MCF2L: variants seen among roughly 807,000 people sequenced by gnomAD.
MCF2L encodes the protein MCF.2 cell line derived transforming sequence like.
A neutral mutation model predicts 153.4 loss-of-function variants in MCF2L; 97 were observed. That is an observed-to-expected ratio of 0.63 (90% CI 0.54 to 0.75). The LOEUF is 0.75. Ranked by LOEUF, MCF2L falls within the 30% of genes least tolerant of loss-of-function variation. The pLI is 0.00. For missense variants in MCF2L, 1,347 were observed against 1,495.2 expected (o/e 0.90, Z 1.64); for synonymous variants, 659 against 632.2 (o/e 1.04, Z -0.64).
intron 2 of MCF2L, among the ~76,000 whole-genome samples, chr13:112,933,757 C>T (rs374420585): frequency 2.6e-5 from 4 of 152,238 alleles, no homozygotes; most frequent in African/African-American, 9.6e-5. Flanking sequence ...TGGCCCTTGG[C>T]CATCGGTCAG....
chr13:113,002,122 A>T, intron 1 of MCF2L: 3 of 1,015,800 alleles, frequency 3.0e-6, no homozygotes, highest in East Asian at 3.1e-5. Context: ...GGGCTGGGGG[A>T]TGCCGGGGAT....
At chr13:113,069,880 C>T (rs992050372) in intron 8 of MCF2L, among the ~76,000 whole-genome samples, 179 bp from the exon 9 acceptor site, 16 of 152,316 alleles carry the variant, frequency 1.1e-4, no homozygotes, top group South Asian at 1.0e-3. Flanking sequence ...CCCATGCTGA[C>T]GGCCCTGAGT....
chr13:113,081,627 G>A (rs368136983), intron 16 of MCF2L, among the ~76,000 whole-genome samples: 9 of 152,388 alleles, frequency 5.9e-5, no homozygotes, highest in African/African-American at 1.7e-4. Context: ...AAAACTCGTC[G>A]GAGGTGGGAG....
At chr13:113,079,726 GA>G (rs781691164) in intron 15 of MCF2L, among the ~76,000 whole-genome samples, 1 of 152,176 alleles carries the variant, frequency 6.6e-6, no homozygotes, top group Non-Finnish European at 1.5e-5. Context: ...GGCTTGCCAA[GA>G]AGCGTCCAGG....
intron 2 of MCF2L, among the ~76,000 whole-genome samples, chr13:112,955,779 C>T (rs1041746444): frequency 3.9e-5 from 6 of 152,170 alleles, no homozygotes; most frequent in African/African-American, 4.8e-5. Context: ...TGTCTGCTGT[C>T]GGAGAGTGGC....
At chr13:113,093,353 G>A (rs1185198850) in intron 26 of MCF2L, among the ~76,000 whole-genome samples, 2 of 152,264 alleles carry the variant, frequency 1.3e-5, no homozygotes, top group African/African-American at 4.8e-5. Flanking sequence ...CCCCAAGAAG[G>A]CAAAGCACCC....
chr13:113,056,677 G>A (rs947750942), intron 4 of MCF2L, among the ~76,000 whole-genome samples: 8 of 122,904 alleles, frequency 6.5e-5, no homozygotes, highest in African/African-American at 1.2e-4. Context: ...GTGTGGGTGC[G>A]GAGTGTTTGG....
At chr13:113,087,676 C>A in intron 22 of MCF2L, 31 bp from the exon 23 acceptor site, 1 of 1,555,230 alleles carries the variant, frequency 6.4e-7, no homozygotes, top group Non-Finnish European at 8.9e-7. Context: ...TCACTGTGCA[C>A]GCGAACCCCA....
intron 15 of MCF2L, among the ~76,000 whole-genome samples, chr13:113,079,781 C>CCAGGCAGAGGAG (rs1351654672): frequency 1.3e-5 from 2 of 150,838 alleles, no homozygotes; most frequent in Non-Finnish European, 3.0e-5. Flanking sequence ...AGAGGGGCGT[C>CCAGGCAGAGGAG]TGCACGGAGG....
chr13:113,064,465 G>A lies in MCF2L; in HGVS notation c.606+45G>A, dbSNP rs745435762. 2 of 1,219,604 alleles carry A rather than the reference G, an allele frequency of 1.6e-6. No homozygotes were observed. The highest frequency in any genetic ancestry group is 1.7e-5 in the Admixed American group (1 of 59,066). The allele number at this position is 1,219,604 out of a possible 1,614,324, so 75.5% of individuals were successfully genotyped here. A position where few individuals can be genotyped will look rare whatever the true frequency, so the allele number is the denominator to read the frequency against. On this transcript the variant is annotated intron_variant, in intron 6 of 29. Coordinates refer to ENST00000535094, the MANE Select transcript of MCF2L (RefSeq NM_001112732.3). This position sits in a 1 kb window ranked among gnomAD's most constrained non-coding sequence, Gnocchi z 6.0. ...GCGGGGCTGGCTGATACCAGCTCGA[G>A]TACTTCCACAGAATCGCTCTTGCAT...
rs538643566 is a variant in MCF2L, at chr13:113,018,681, A to C, written c.163+3835A>C. On this transcript the variant is annotated intron_variant, in intron 2 of 29. Coordinates refer to ENST00000535094, the MANE Select transcript of MCF2L (RefSeq NM_001112732.3). Reference sequence around the variant, plus strand: ...TTGCTGACCGTCAGCAAGAGCTAAAAACAGGGCGGGAGAATTTACCACTGA... The same window carrying C: ...TTGCTGACCGTCAGCAAGAGCTAAACACAGGGCGGGAGAATTTACCACTGA... Among the ~76,000 whole-genome samples the C allele has an allele frequency of 2.0e-5, 3 of 152,336 alleles. No individual in the cohort carries two copies. The East Asian group carries it at 5.8e-4, about 29-fold the overall frequency.
At chr13:113,003,250 C>T (rs576141347) in intron 1 of MCF2L, among the ~76,000 whole-genome samples, 1 of 150,116 alleles carries the variant, frequency 6.7e-6, no homozygotes, top group Non-Finnish European at 1.5e-5. Flanking sequence ...AGGTGGCCCC[C>T]GTGGGTTTTG....
intron 27 of MCF2L, chr13:113,095,998 G>C: frequency 2.7e-6 from 1 of 366,144 alleles, no homozygotes. Context: ...GAGGACGGGC[G>C]AGTCGGGGAG....
Position 112,917,195 on chromosome 13 carries a change from C to A in MCF2L, c.169+14824C>A, listed in dbSNP as rs548766478. ...GTCCACAGCTCCAGTCCGGACCCCT[C>A]CCCCGGGCACTGCACCGCCCTGCCT... On this transcript the variant is annotated intron_variant, in intron 2 of 29. Coordinates refer to the MCF2L transcript ENST00000375608. 1.4e-4 allele frequency: 66 copies of A among 470,920 alleles called. 1 individual carries two copies. The highest frequency in any genetic ancestry group is 7.6e-4 in the South Asian group (49 of 64,548). The allele number at this position is 470,920 out of a possible 1,614,324, so 29.2% of individuals were successfully genotyped here.
intron 1 of MCF2L, among the ~76,000 whole-genome samples, chr13:112,896,476 C>T (rs2081069469): frequency 6.6e-6 from 1 of 151,242 alleles, no homozygotes. Context: ...GTCTTTACAG[C>T]CATGTAATTT....
chr13:113,041,018 T>C (rs577706111), intron 3 of MCF2L: 7 of 152,244 alleles, frequency 4.6e-5, no homozygotes, highest in African/African-American at 1.7e-4. Context: ...AGTGAGCTCA[T>C]TGGCCTCAAA....
intron 27 of MCF2L, chr13:113,094,981 C>T: frequency 7.2e-7 from 1 of 1,380,516 alleles, no homozygotes; most frequent in Non-Finnish European, 9.7e-7. Flanking sequence ...GCCCACCCAG[C>T]CTCCTGTAGA....
chr13:113,014,954 G>A lies in MCF2L; in HGVS notation c.163+108G>A, dbSNP rs568873393. 49 of 928,838 alleles carry A rather than the reference G, an allele frequency of 5.3e-5. No homozygotes were observed. The East Asian group carries it at 8.9e-4, about 17-fold the overall frequency. 57.5% of individuals were successfully genotyped at this position (928,838 alleles called of 1,614,324 possible). ...AGGCTGGAGCTGGGAAGGGTCATGC[G>A]AGGGGCTGTGTATTCACTGCCTTGG... On this transcript the variant is annotated intron_variant, in intron 2 of 29. Coordinates refer to ENST00000535094, the MANE Select transcript of MCF2L (RefSeq NM_001112732.3).
chr13:113,012,309 T>C (rs1395489795), intron 1 of MCF2L, among the ~76,000 whole-genome samples: 1 of 95,892 alleles, frequency 1.0e-5, no homozygotes, highest in African/African-American at 3.8e-5. Flanking sequence ...GCAGTGTGGA[T>C]GGTGGACAGG....
Sources: gnomAD v4.1 joint callset for allele counts (sites outside exome capture counted in the v4.1 genomes callset) on GRCh38, gnomAD v4.1.1 for gene constraint, Gnocchi (gnomAD v3.1) non-coding constraint, MANE v1.5 for transcripts, NCBI Gene and HGNC (gene_info 2026-07-23, HGNC 2026-07-21) for gene names.